The following HSD17B11 variants were observed in gnomAD, a reference collection of about 807,000 sequenced individuals.
HSD17B11 encodes the protein hydroxysteroid 17-beta dehydrogenase 11.
In HSD17B11, 22 loss-of-function variants were observed where a neutral mutation model predicts 27.8. The ratio of observed to expected loss-of-function variants is 0.79; its 90% CI spans 0.56 to 1.13. The LOEUF (loss-of-function observed/expected upper bound fraction) is 1.13, where lower values mean the gene tolerates loss of function less well. HSD17B11 is among the 50% of genes most tolerant of loss of function. The probability of loss-of-function intolerance (pLI) is 0.00; values close to 1 mark genes in which losing one functional copy is unlikely to be tolerated. For synonymous variants in HSD17B11, 117 were observed against 132.8 expected (o/e 0.88, Z 0.82); for missense variants, 314 against 351.1 (o/e 0.89, Z 0.84).
rs188487071 is a variant in HSD17B11, at chr4:87,368,261, G to A, written c.557+4448C>T. ...GAACCCGGGAGGCAGAGTTTGCAGC[G>A]AGCTGAGATCGCACCACTGCACTCC... On this transcript the variant is annotated intron_variant, in intron 4 of 6. Transcript: ENST00000358290. Among the ~76,000 whole-genome samples the A allele has an allele frequency of 5.4e-3, 825 of 152,188 alleles. 4 individuals are homozygous for A. Among genetic ancestry groups the A allele is most frequent in the African/African-American group, 0.019 (782 of 41,524 alleles).
At chr4:87,372,859 G>T in intron 3 of HSD17B11, 44 bp from the exon 4 acceptor site, 1 of 1,135,204 alleles carries the variant, frequency 8.8e-7, no homozygotes, top group Non-Finnish European at 1.3e-6. Context: ...CTGTATTTCA[G>T]ACTCACAGAC....
chr4:87,382,463 C>A, intron 1 of HSD17B11, 101 bp from the exon 2 acceptor site: 1 of 747,382 alleles, frequency 1.3e-6, no homozygotes, highest in Non-Finnish European at 2.2e-6. Context: ...TAGTGAGATT[C>A]TTTCCATTTG....
At chr4:87,361,020 A>C (rs575493443) in intron 4 of HSD17B11, among the ~76,000 whole-genome samples, 3 of 152,238 alleles carry the variant, frequency 2.0e-5, no homozygotes, top group Non-Finnish European at 2.9e-5. Flanking sequence ...TTATTTTGTC[A>C]GAGGCATGTA....
intron 5 of HSD17B11, among the ~76,000 whole-genome samples, chr4:87,343,547 CTTT>C (rs11369073): frequency 7.2e-5 from 9 of 125,532 alleles, no homozygotes; most frequent in Admixed American, 1.7e-4. Flanking sequence ...CATTTCAACT[CTTT>C]TTTTTTTTTT....
intron 6 of HSD17B11, among the ~76,000 whole-genome samples, chr4:87,339,142 C>T (rs899525930): frequency 6.6e-6 from 1 of 152,134 alleles, no homozygotes; most frequent in Admixed American, 6.5e-5. Context: ...GGCAAAATTC[C>T]TTCTTCTATA....
At chr4:87,360,193 T>C (rs903928351) in intron 4 of HSD17B11, among the ~76,000 whole-genome samples, 1 of 146,208 alleles carries the variant, frequency 6.8e-6, no homozygotes, top group Non-Finnish European at 1.5e-5. Context: ...AGCAATCTTT[T>C]CTTTTTAAGG....
intron 5 of HSD17B11, among the ~76,000 whole-genome samples, chr4:87,355,756 T>G (rs1735370009): frequency 6.6e-6 from 1 of 151,726 alleles, no homozygotes; most frequent in African/African-American, 2.4e-5. Context: ...ATACGGAAAT[T>G]AGTTGGGCGT....
rs140750056 is a variant in HSD17B11, at chr4:87,366,865, G to A, written c.557+5844C>T. On this transcript the variant is annotated intron_variant, in intron 4 of 6. Transcript: ENST00000358290. ...CGAAACTCTCATAAAAAGCTGGAAT[G>A]TTCATGAATAACAAGTAGAACAGGA... is the stretch of plus-strand genomic sequence containing the variant. Among the ~76,000 whole-genome samples, 139 of 152,290 alleles carry A rather than the reference G, an allele frequency of 9.1e-4. 1 individual carries two copies. Among genetic ancestry groups the A allele is most frequent in the African/African-American group, 3.2e-3 (134 of 41,580 alleles).
chr4:87,390,785 G>C, intron 1 of HSD17B11, 76 bp downstream of exon 1: 1 of 1,294,138 alleles, frequency 7.7e-7, no homozygotes, highest in East Asian at 2.3e-5. Flanking sequence ...ATGAGGTAAA[G>C]GGTGGTTGCC....
chr4:87,357,238 A>G (rs1735404873), intron 5 of HSD17B11, 41 bp downstream of exon 5: 1 of 1,599,108 alleles, frequency 6.3e-7, no homozygotes, highest in African/African-American at 1.3e-5. Flanking sequence ...GCTGGTATTC[A>G]TAGCAACCAC....
intron 5 of HSD17B11, among the ~76,000 whole-genome samples, chr4:87,344,732 T>C (rs1735237920): frequency 6.6e-6 from 1 of 152,162 alleles, no homozygotes; most frequent in African/African-American, 2.4e-5. Flanking sequence ...TTCTCCCAGG[T>C]AGACCATACA....
intron 1 of HSD17B11, among the ~76,000 whole-genome samples, chr4:87,384,752 T>C (rs1189007429): frequency 1.4e-5 from 2 of 145,292 alleles, no homozygotes; most frequent in Non-Finnish European, 2.9e-5. Context: ...TGTTTTCTGT[T>C]GTTTAAGATG....
Position 87,384,280 on chromosome 4 carries a change from C to T in HSD17B11, c.211-1918G>A, listed in dbSNP as rs191227568. Among the ~76,000 whole-genome samples, 92 of 152,234 alleles carry T rather than the reference C, an allele frequency of 6.0e-4. No individual in the cohort carries two copies. The East Asian group carries it at 0.014, about 24-fold the overall frequency. On this transcript the variant is annotated intron_variant, in intron 1 of 6. Transcript: ENST00000358290. ...GTTATCTTCATAAGCTGAGGATGTA[C>T]GTCACCTCAGGACCACTGTGATAAT...
intron 4 of HSD17B11, among the ~76,000 whole-genome samples, chr4:87,372,275 C>T (rs1340448753): frequency 6.7e-6 from 1 of 149,520 alleles, no homozygotes; most frequent in African/African-American, 2.5e-5. Context: ...AATCACCCAC[C>T]TATGCCTAAT....
rs1367566378 is a variant in HSD17B11 at position 87,337,104 on chromosome 4, C to CA, written c.*171dup. 1.7e-5 allele frequency: 11 copies of CA among 630,534 alleles called. No individual in the cohort carries two copies. Among genetic ancestry groups the CA allele is most frequent in the Non-Finnish European group, 8.5e-6 (3 of 353,974 alleles). 39.1% of individuals were successfully genotyped at this position (630,534 alleles called of 1,614,324 possible). On this transcript the variant is annotated 3_prime_UTR_variant, in exon 7 of 7. Coordinates refer to ENST00000358290, the MANE Select transcript of HSD17B11 (RefSeq NM_016245.5). ...TTTCTCTGTTTATATCATATGTAAT[C>CA]AGCTTTTGGCTAAAGAACAAGTGGT... is the stretch of plus-strand genomic sequence containing the variant.
chr4:87,344,418 G>A (rs925945619), intron 5 of HSD17B11, among the ~76,000 whole-genome samples: 1 of 152,154 alleles, frequency 6.6e-6, no homozygotes, highest in African/African-American at 2.4e-5. Context: ...GTTGGAAAGA[G>A]ATAATTTATT....
Position 87,385,000 on chromosome 4 carries a change from G to A in HSD17B11, c.211-2638C>T, listed in dbSNP as rs542131539. 1.4e-4 allele frequency among the ~76,000 whole-genome samples: 21 copies of A among 152,062 alleles called. No homozygotes were observed. The East Asian group carries it at 1.9e-3, about 14-fold the overall frequency. ...TACTGTCTCTCTTTATTTCTCAGCC[G>A]GCTGACACTTATGGAAAATAGAAAG... On this transcript the variant is annotated intron_variant, in intron 1 of 6. Transcript: ENST00000358290.
At chr4:87,357,458 A>C (rs1339097506) in intron 4 of HSD17B11, 42 bp from the exon 5 acceptor site, 2 of 1,581,800 alleles carry the variant, frequency 1.3e-6, no homozygotes, top group Non-Finnish European at 1.7e-6. Context: ...GAATTCTGAA[A>C]TGTCTGCCTG....
At position 87,372,748 on chromosome 4, in the gene HSD17B11, G is replaced by A. The variant is rs771878491; in HGVS notation, c.518C>T (p.Ala173Val). ...NHGHIVTVAS[A>V]AGHVSVPFLL... The stretch of plus-strand genomic sequence containing the variant: ...GAAGGGGACCGAGACATGTCCAGCT[G>A]CCGAAGCCACAGTGACAATATGGCC... Residue 173 changes from alanine to valine, a missense_variant, in exon 4 of 7, where the codon GCA becomes GTA. Physicochemically the swap from Ala to Val is moderately conservative, Grantham distance 64. Coordinates refer to ENST00000358290, the MANE Select transcript of HSD17B11 (RefSeq NM_016245.5). 2 of 1,613,680 alleles carry A rather than the reference G, an allele frequency of 1.2e-6. No individual in the cohort carries two copies. Among genetic ancestry groups the A allele is most frequent in the South Asian group, 1.1e-5 (1 of 91,056 alleles).
Sources: allele counts gnomAD v4.1 joint callset (sites outside exome capture counted in the v4.1 genomes callset), GRCh38; gene constraint gnomAD v4.1.1; transcripts MANE v1.5; gene names NCBI Gene and HGNC (gene_info 2026-07-23, HGNC 2026-07-21).